The following GABRB3 variants were observed in gnomAD, a reference collection of about 807,000 sequenced individuals.
GABRB3 encodes gamma-aminobutyric acid receptor subunit beta-3.
Under a neutral mutation model 52.1 loss-of-function variants are expected in GABRB3, and 14 were observed. The observed-to-expected ratio is 0.27, with a 90% CI of 0.18 to 0.42. GABRB3 has a LOEUF of 0.42. Ranked by LOEUF, GABRB3 falls within the 10% of genes least tolerant of loss-of-function variation. GABRB3 has a pLI of 1.00. For synonymous variants in GABRB3, 260 were observed against 232.3 expected, an observed-to-expected ratio of 1.12 and a Z score of -1.08; for missense variants, 307 against 609.1, an observed-to-expected ratio of 0.50 and a Z score of 5.22.
chr15:26,636,744 C>T (rs923844996), intron 3 of GABRB3, among the ~76,000 whole-genome samples: 2 of 152,226 alleles, frequency 1.3e-5, no homozygotes, highest in African/African-American at 2.4e-5. Flanking sequence ...GTTCACACAA[C>T]GGCATTCTCT....
rs11637141 is a variant in GABRB3 at position 26,547,268 on chromosome 15, C to T, written c.*525G>A. 75,119 of 350,814 alleles carry T rather than the reference C, an allele frequency of 0.21. 8,787 individuals are homozygous for T. The highest frequency in any genetic ancestry group is 0.27 in the Admixed American group (5,949 of 22,262). 21.7% of individuals were successfully genotyped at this position (350,814 alleles called of 1,614,324 possible). A position where few individuals can be genotyped will look rare whatever the true frequency, so the allele number is the denominator to read the frequency against. On this transcript the variant is annotated 3_prime_UTR_variant, in exon 9 of 9. Coordinates refer to ENST00000311550, the MANE Select transcript of GABRB3 (RefSeq NM_000814.6). ...AGAAGCCTTTGCTTACTAAACTGAA[C>T]GAGAGGATATGAAGTAAGTGACTCA... is the stretch of plus-strand genomic sequence containing the variant.
chr15:26,707,407 G>A (rs1220368765), intron 3 of GABRB3, among the ~76,000 whole-genome samples: 1 of 152,184 alleles, frequency 6.6e-6, no homozygotes, highest in Non-Finnish European at 1.5e-5. Flanking sequence ...AAACTGTGGT[G>A]TTTAGGCTGG....
rs1314813821 is a variant in GABRB3 at position 26,544,242 on chromosome 15, G to C, written c.*3551C>G. 2 of 152,570 alleles carry C rather than the reference G, an allele frequency of 1.3e-5. No individual in the cohort carries two copies. The highest frequency in any genetic ancestry group is 3.9e-4 in the East Asian group (2 of 5,190). 9.5% of individuals were successfully genotyped at this position (152,570 alleles called of 1,614,324 possible). The stretch of plus-strand genomic sequence containing the variant: ...ACATTCTTGTTAGAATACACCAATG[G>C]TGGGACAAACACCAATGGATTATCT... On this transcript the variant is annotated 3_prime_UTR_variant, in exon 9 of 9. Transcript: ENST00000311550.
Position 26,607,405 on chromosome 15 carries a change from A to G in GABRB3, c.461+13909T>C, listed in dbSNP as rs1036381319. Among the ~76,000 whole-genome samples the G allele has an allele frequency of 2.6e-5, 4 of 152,262 alleles. No individual in the cohort carries two copies. In the East Asian group the frequency reaches 5.8e-4, roughly 22 times the overall value. Reference sequence around the variant, plus strand: ...GAGCAACATAACAAGGCCCATCTCTACAAAAAGTCTTTTTAAGTTAGCCAG... The same window carrying G: ...GAGCAACATAACAAGGCCCATCTCTGCAAAAAGTCTTTTTAAGTTAGCCAG... On this transcript the variant is annotated intron_variant, in intron 4 of 8. Coordinates refer to ENST00000311550, the MANE Select transcript of GABRB3 (RefSeq NM_000814.6).
intron 5 of GABRB3, among the ~76,000 whole-genome samples, chr15:26,582,140 C>A (rs1890812725): frequency 1.3e-5 from 2 of 152,196 alleles, no homozygotes; most frequent in Admixed American, 1.3e-4. Flanking sequence ...GAGAAGGGAC[C>A]TCACACATGG....
At chr15:26,583,273 T>C (rs546747507) in intron 5 of GABRB3, 59 bp downstream of exon 5, 2 of 1,403,728 alleles carry the variant, frequency 1.4e-6, no homozygotes, top group East Asian at 2.3e-5. Context: ...TGCTAAATAA[T>C]GACAAAAGGA....
intron 3 of GABRB3, among the ~76,000 whole-genome samples, chr15:26,734,017 A>G (rs895159060): frequency 7.3e-6 from 1 of 137,856 alleles, no homozygotes; most frequent in African/African-American, 2.7e-5. Context: ...CCCTAAAACT[A>G]TAGGGCTTTT....
rs529820770 is a variant in GABRB3 at position 26,735,180 on chromosome 15, C to A, written c.240+37222G>T. ...TCATTAGGGGACTACAAATCAAAAC[C>A]ACAATGAAATACTACCTCATACCCA... On this transcript the variant is annotated intron_variant, in intron 3 of 8. Transcript: ENST00000311550. Among the ~76,000 whole-genome samples the A allele has an allele frequency of 1.3e-3, 194 of 152,178 alleles. 9 individuals carry two copies. The South Asian group carries it at 0.032, about 25-fold the overall frequency.
intron 3 of GABRB3, among the ~76,000 whole-genome samples, chr15:26,635,899 A>T (rs1219209694): frequency 6.6e-6 from 1 of 152,188 alleles, no homozygotes. Context: ...TCTGTGCAGA[A>T]CCTATTAGAT....
At chr15:26,625,990 TA>T (rs1168046593) in intron 3 of GABRB3, among the ~76,000 whole-genome samples, 11 of 152,224 alleles carry the variant, frequency 7.2e-5, no homozygotes, top group African/African-American at 2.7e-4. Context: ...ACTGCATTTT[TA>T]ACAATTTGAA....
chr15:26,660,315 T>C (rs1887501642), intron 3 of GABRB3, among the ~76,000 whole-genome samples: 1 of 152,150 alleles, frequency 6.6e-6, no homozygotes, highest in African/African-American at 2.4e-5. Flanking sequence ...AGGAGAAATA[T>C]GGCTATTTCC....
intron 3 of GABRB3, among the ~76,000 whole-genome samples, chr15:26,746,245 G>A (rs770143811): frequency 6.6e-6 from 1 of 151,344 alleles, no homozygotes; most frequent in African/African-American, 2.4e-5. Flanking sequence ...GTGCTTATTG[G>A]CCATCTGTAT....
chr15:26,634,064 T>C (rs1043967524), intron 3 of GABRB3, among the ~76,000 whole-genome samples: 4 of 152,224 alleles, frequency 2.6e-5, no homozygotes, highest in African/African-American at 9.6e-5. Flanking sequence ...GTTGGTGACC[T>C]ACTGTAGCCT....
chr15:26,643,093 T>C (rs955049345), intron 3 of GABRB3, among the ~76,000 whole-genome samples: 12 of 152,164 alleles, frequency 7.9e-5, no homozygotes, highest in African/African-American at 2.9e-4. Context: ...CATTCTGCAC[T>C]CTGTCAGTTG....
At chr15:26,713,469 G>A (rs758083481) in intron 3 of GABRB3, among the ~76,000 whole-genome samples, 3 of 152,082 alleles carry the variant, frequency 2.0e-5, no homozygotes, top group Non-Finnish European at 4.4e-5. Context: ...CATCTCTGTG[G>A]GCCCCGAAAC....
chr15:26,679,205 TG>T (rs1173731601), intron 3 of GABRB3, among the ~76,000 whole-genome samples: 1 of 152,180 alleles, frequency 6.6e-6, no homozygotes, highest in Non-Finnish European at 1.5e-5. Context: ...TTAACTCTTT[TG>T]GGGGGAAAGT....
chr15:26,751,819 A>G (rs1566829558), intron 3 of GABRB3, among the ~76,000 whole-genome samples: 5 of 151,970 alleles, frequency 3.3e-5, no homozygotes, highest in Admixed American at 6.6e-5. Flanking sequence ...ATTTTTTAGG[A>G]AAAAAAGCCA....
At chr15:26,677,274 C>T (rs556223391) in intron 3 of GABRB3, among the ~76,000 whole-genome samples, 1 of 152,190 alleles carries the variant, frequency 6.6e-6, no homozygotes, top group Non-Finnish European at 1.5e-5. Flanking sequence ...GTTAGAACAC[C>T]TTTCCCTTCG....
At chr15:26,583,268 A>T (rs1890854002) in intron 5 of GABRB3, 64 bp downstream of exon 5, 1 of 1,373,190 alleles carries the variant, frequency 7.3e-7, no homozygotes, top group Admixed American at 1.7e-5. Context: ...AAAGATGCTA[A>T]ATAATGACAA....
Sources: gnomAD v4.1 joint callset for allele counts (sites outside exome capture counted in the v4.1 genomes callset) on GRCh38, gnomAD v4.1.1 for gene constraint, MANE v1.5 for transcripts, NCBI Gene and HGNC (gene_info 2026-07-23, HGNC 2026-07-21) for gene names.